The following FRMD4B variants were observed in gnomAD, a reference collection of about 807,000 sequenced individuals.
FRMD4B encodes the protein FERM domain-containing protein 4B.
In FRMD4B, 74 loss-of-function variants were observed where a neutral mutation model predicts 141.5. The observed-to-expected ratio is 0.52, with a 90% CI of 0.43 to 0.63. The LOEUF (loss-of-function observed/expected upper bound fraction) is 0.63. Among genes scored for constraint, FRMD4B ranks in the 30% least tolerant of loss-of-function variants. The pLI is 0.00. For synonymous variants in FRMD4B, 506 were observed against 467.9 expected (o/e 1.08, Z -1.05); for missense variants, 1,366 against 1,253.4 (o/e 1.09, Z -1.36).
intron 8 of FRMD4B, among the ~76,000 whole-genome samples, chr3:69,223,122 C>A (rs1345611332): frequency 6.6e-6 from 1 of 152,146 alleles, no homozygotes; most frequent in African/African-American, 2.4e-5. Flanking sequence ...TAGAGTAAAA[C>A]TTGTTGACTG....
intron 1 of FRMD4B, among the ~76,000 whole-genome samples, chr3:69,367,424 T>C (rs1703697814): frequency 6.6e-6 from 1 of 152,162 alleles, no homozygotes; most frequent in Non-Finnish European, 1.5e-5. Flanking sequence ...ACACATTGCT[T>C]GCATATATCC....
chr3:69,495,961 T>C (rs769740383), intron 1 of FRMD4B, among the ~76,000 whole-genome samples: 1 of 152,194 alleles, frequency 6.6e-6, no homozygotes. Flanking sequence ...GAATAGACTA[T>C]GAGTATATGG....
In FRMD4B at chr3:69,181,552, G is replaced by A. The variant is rs75558589; in HGVS notation, c.2198C>T (p.Thr733Ile). 5 of 1,613,824 alleles carry A rather than the reference G, an allele frequency of 3.1e-6. No homozygotes were observed. In the African/African-American group the frequency reaches 6.7e-5, roughly 22 times the overall value. Residue 733 changes from threonine (T) to isoleucine (I), a missense_variant, in exon 21 of 23, where the codon ACA becomes ATA. Transcript: ENST00000398540. ...GTAATACTCTGTGCTTGATTGGCTT[G>A]TATAAGAAGACCCGTCATCGAGGAT... ...TEILDDGSSY[T>I]SQSSTEYYCV...
At chr3:69,468,468 G>C (rs1705830187) in intron 1 of FRMD4B, among the ~76,000 whole-genome samples, 1 of 152,132 alleles carries the variant, frequency 6.6e-6, no homozygotes, top group African/African-American at 2.4e-5. Context: ...TTAAATCCCA[G>C]AGATGGACCT....
chr3:69,229,556 C>T (rs1468848816), intron 7 of FRMD4B, among the ~76,000 whole-genome samples: 2 of 152,104 alleles, frequency 1.3e-5, no homozygotes, highest in Non-Finnish European at 2.9e-5. Context: ...AAGAGAAAGC[C>T]AGCAGAATAA....
At chr3:69,399,976 G>T (rs1032964133) in intron 2 of FRMD4B, among the ~76,000 whole-genome samples, 9 of 152,032 alleles carry the variant, frequency 5.9e-5, no homozygotes, top group African/African-American at 2.2e-4. Flanking sequence ...AGTTACTTTT[G>T]CCCCAACCCA....
chr3:69,323,636 ATATATATATATATATAT>A (rs1702090115), intron 1 of FRMD4B, among the ~76,000 whole-genome samples: 3 of 77,620 alleles, frequency 3.9e-5, no homozygotes, highest in African/African-American at 1.4e-4. Context: ...ATATATATAT[ATATATATATATATATAT>A]GCGTTTTAAA....
chr3:69,250,459 C>T (rs1268776906), intron 5 of FRMD4B, among the ~76,000 whole-genome samples: 1 of 152,142 alleles, frequency 6.6e-6, no homozygotes, highest in African/African-American at 2.4e-5. Context: ...AAGCACTCTG[C>T]AGAATTTCCT....
chr3:69,294,202 C>T (rs1334140362), intron 4 of FRMD4B, among the ~76,000 whole-genome samples: 1 of 152,160 alleles, frequency 6.6e-6, no homozygotes, highest in Non-Finnish European at 1.5e-5. Context: ...TTCTGGGTTT[C>T]TTTTAGTCAC....
intron 2 of FRMD4B, among the ~76,000 whole-genome samples, chr3:69,421,626 T>A (rs1360540093): frequency 6.6e-6 from 1 of 152,242 alleles, no homozygotes; most frequent in Non-Finnish European, 1.5e-5. Context: ...AGCTAGTCAC[T>A]AGCCACATGT....
chr3:69,391,246 T>A (rs932355194), intron 2 of FRMD4B, among the ~76,000 whole-genome samples: 1 of 143,760 alleles, frequency 7.0e-6, no homozygotes, highest in African/African-American at 2.6e-5. Flanking sequence ...TTATTTATTT[T>A]TATTTTTTTT....
At chr3:69,269,610 C>T (rs1378138743) in intron 5 of FRMD4B, among the ~76,000 whole-genome samples, 1 of 152,214 alleles carries the variant, frequency 6.6e-6, no homozygotes, top group African/African-American at 2.4e-5. Context: ...CCCTGAATTA[C>T]TGACTTCACT....
intron 5 of FRMD4B, among the ~76,000 whole-genome samples, chr3:69,270,447 T>C (rs1367151504): frequency 1.3e-5 from 2 of 152,210 alleles, no homozygotes; most frequent in East Asian, 1.9e-4. Context: ...GGTAGAAAGA[T>C]GGACAGAAAT....
At chr3:69,449,500 A>C (rs1366578026) in intron 1 of FRMD4B, among the ~76,000 whole-genome samples, 2 of 152,198 alleles carry the variant, frequency 1.3e-5, no homozygotes, top group African/African-American at 2.4e-5. Context: ...ATGCATCTAG[A>C]TATTATCTCC....
chr3:69,510,738 T>C (rs1321401284), intron 1 of FRMD4B, among the ~76,000 whole-genome samples: 1 of 152,180 alleles, frequency 6.6e-6, no homozygotes, highest in African/African-American at 2.4e-5. Context: ...CACTACTCTA[T>C]AATTTCCAGA....
At chr3:69,401,017 C>A (rs1316829569) in intron 2 of FRMD4B, among the ~76,000 whole-genome samples, 2 of 152,092 alleles carry the variant, frequency 1.3e-5, no homozygotes, top group Non-Finnish European at 2.9e-5. Context: ...ATTTTGAATG[C>A]CCTTTTCCAT....
At chr3:69,295,351 T>C (rs1701003344) in intron 4 of FRMD4B, among the ~76,000 whole-genome samples, 1 of 152,214 alleles carries the variant, frequency 6.6e-6, no homozygotes, top group Admixed American at 6.5e-5. Flanking sequence ...AGACAGGGTC[T>C]TGCTCTGCTG....
intron 7 of FRMD4B, among the ~76,000 whole-genome samples, chr3:69,226,482 GT>G (rs1335940344): frequency 6.7e-6 from 1 of 148,794 alleles, no homozygotes; most frequent in Non-Finnish European, 1.5e-5. Flanking sequence ...TAAATTGTGA[GT>G]TTTTTTAATG....
intron 1 of FRMD4B, among the ~76,000 whole-genome samples, chr3:69,358,860 T>C (rs1332847935): frequency 6.6e-6 from 1 of 152,210 alleles, no homozygotes; most frequent in Non-Finnish European, 1.5e-5. Context: ...AAAAGATAAG[T>C]TCAGCCCACA....
Sources: gnomAD v4.1 joint callset for allele counts (sites outside exome capture counted in the v4.1 genomes callset) on GRCh38, gnomAD v4.1.1 for gene constraint, MANE v1.5 for transcripts, NCBI Gene and HGNC (gene_info 2026-07-23, HGNC 2026-07-21) for gene names.